The following KMT2C variants were observed in gnomAD, a reference collection of about 807,000 sequenced individuals.
KMT2C encodes histone-lysine N-methyltransferase 2C.
Under a neutral mutation model 507.9 loss-of-function variants are expected in KMT2C, and 88 were observed. The ratio of observed to expected loss-of-function variants is 0.17; its 90% CI spans 0.15 to 0.21. The LOEUF is 0.21. Ranked by LOEUF, KMT2C falls within the 10% of genes least tolerant of loss-of-function variation. The pLI, the probability that KMT2C is intolerant of heterozygous loss-of-function variation, is 1.00. For synonymous variants in KMT2C, 2,049 were observed against 2,080.8 expected (o/e 0.98, Z 0.42); for missense variants, 4,954 against 5,957.8 (o/e 0.83, Z 5.55).
At position 152,181,187 on chromosome 7, in the gene KMT2C, G is replaced by C. The variant is rs1485896944; in HGVS notation, c.6673C>G (p.Pro2225Ala). Residue 2225 changes from proline (P) to alanine (A), a missense_variant, in exon 36 of 59, where the codon CCA becomes GCA. By Grantham distance (27) the Pro-to-Ala change is conservative (BLOSUM62 -1). Around this residue, in one of 29 missense-constraint regions of KMT2C, gnomAD observed 1,689 missense variants for 1,654.3 expected, o/e 1.02. Coordinates refer to ENST00000262189, the MANE Select transcript of KMT2C (RefSeq NM_170606.3). ...AAACCCTCTGAAATCCTTGGCCTTGGTGTTGCTGGTGGCTGAGAGTAAGGG... is the reference window on the plus strand; with the variant it reads ...AAACCCTCTGAAATCCTTGGCCTTGCTGTTGCTGGTGGCTGAGAGTAAGGG... ...SVPYSQPPAT[P>A]RPRISEGFTR... 1.2e-6 allele frequency: 2 copies of C among 1,614,024 alleles called. No homozygotes were observed. Among genetic ancestry groups the C allele is most frequent in the Non-Finnish European group, 1.7e-6 (2 of 1,180,034 alleles).
At chr7:152,231,792 A>AG (rs1439167471) in intron 16 of KMT2C, among the ~76,000 whole-genome samples, 5 of 151,930 alleles carry the variant, frequency 3.3e-5, no homozygotes, top group Non-Finnish European at 7.4e-5. Context: ...AAAAAAAAAA[A>AG]GAAGGAAGGA....
chr7:152,143,921 G>A (rs1190577133), intron 55 of KMT2C, among the ~76,000 whole-genome samples: 1 of 152,250 alleles, frequency 6.6e-6, no homozygotes, highest in Admixed American at 6.5e-5. Flanking sequence ...AGCCAGGCCT[G>A]CAGTGGTACA....
intron 6 of KMT2C, among the ~76,000 whole-genome samples, chr7:152,280,493 G>A (rs2096188203): frequency 7.0e-6 from 1 of 143,850 alleles, no homozygotes; most frequent in East Asian, 2.0e-4. Flanking sequence ...AGAGGTTGCA[G>A]TGAGCCGAGA....
chr7:152,205,221 A>G lies in KMT2C; in HGVS notation c.3846T>C (p.Ile1282=). 6.2e-7 allele frequency: 1 copy of G among 1,610,814 alleles called. No homozygotes were observed. The highest frequency in any genetic ancestry group is 8.5e-7 in the Non-Finnish European group (1 of 1,178,784). The change falls in exon 25 of 59, where the codon ATT becomes ATC. Residue 1282 remains isoleucine (I), a synonymous_variant. Coordinates refer to ENST00000262189, the MANE Select transcript of KMT2C (RefSeq NM_170606.3). ...TTCTTTGCCGCACCATAAATCCACC[A>G]ATACCTATCCAAAAAAGAAATTAGG... ...KRKRKPYRPG[I]GGFMVRQRSR...
At chr7:152,248,709 G>C in intron 13 of KMT2C, 89 bp from the exon 14 acceptor site, 2 of 721,302 alleles carry the variant, frequency 2.8e-6, no homozygotes, top group Non-Finnish European at 2.3e-6. Flanking sequence ...GGCTACACTA[G>C]AACTTAAATC....
rs541173090 is a variant in KMT2C at position 152,166,765 on chromosome 7, G to A, written c.9750+381C>T. ...AAACCCAGTATCTCCCCATGAGCTC[G>A]GTCCTCAGTTAAGTCGAATACTCTC... On this transcript the variant is annotated intron_variant, in intron 42 of 58. Coordinates refer to ENST00000262189, the MANE Select transcript of KMT2C (RefSeq NM_170606.3). 1.4e-3 allele frequency among the ~76,000 whole-genome samples: 215 copies of A among 152,086 alleles called. 1 individual carries two copies. The highest frequency in any genetic ancestry group is 4.6e-3 in the African/African-American group (189 of 41,468).
chr7:152,286,868 A>C (rs1050583691), intron 6 of KMT2C, among the ~76,000 whole-genome samples: 1 of 152,228 alleles, frequency 6.6e-6, no homozygotes, highest in African/African-American at 2.4e-5. Flanking sequence ...GTAAAACTCC[A>C]AGAAAATTCT....
At chr7:152,315,869 A>T (rs1291078593) in intron 3 of KMT2C, among the ~76,000 whole-genome samples, 1 of 152,056 alleles carries the variant, frequency 6.6e-6, no homozygotes. Flanking sequence ...GCTGAGATTG[A>T]ACCACTGCAC....
rs558722121 is a variant in KMT2C, at chr7:152,142,000, C to T, written c.14344-2209G>A. ...TTGTGCCACCGCACTCCAGCCTGGG[C>T]GACACAGTGAGACCCTGTCTCAAAG... On this transcript the variant is annotated intron_variant, in intron 55 of 58. Coordinates refer to ENST00000262189, the MANE Select transcript of KMT2C (RefSeq NM_170606.3). Among the ~76,000 whole-genome samples, 30 of 152,118 alleles carry T rather than the reference C, an allele frequency of 2.0e-4. No homozygotes were observed. The South Asian group carries it at 5.4e-3, about 27-fold the overall frequency.
chr7:152,413,069 GA>G (rs1413653567), intron 1 of KMT2C, among the ~76,000 whole-genome samples: 2 of 151,870 alleles, frequency 1.3e-5, no homozygotes, highest in African/African-American at 4.8e-5. Context: ...CTACACTTCT[GA>G]GAAAAAAAAC....
intron 48 of KMT2C, 33 bp downstream of exon 48, chr7:152,153,976 CT>C: frequency 6.2e-7 from 1 of 1,606,136 alleles, no homozygotes; most frequent in Non-Finnish European, 8.5e-7. Flanking sequence ...TGGGGACATA[CT>C]GTTTAACATT....
At chr7:152,180,645 A>T (rs1168746816) in intron 36 of KMT2C, 66 bp downstream of exon 36, 9 of 1,205,600 alleles carry the variant, frequency 7.5e-6, no homozygotes, top group African/African-American at 1.5e-5. Flanking sequence ...GAAATTACTC[A>T]GTTTGATGAA....
intron 23 of KMT2C, among the ~76,000 whole-genome samples, chr7:152,219,352 T>C (rs1253765652): frequency 6.6e-6 from 1 of 152,196 alleles, no homozygotes; most frequent in African/African-American, 2.4e-5. Flanking sequence ...AGAGTTGGGT[T>C]ACCTAACATT....
chr7:152,355,345 GA>G, intron 2 of KMT2C, among the ~76,000 whole-genome samples: 1 of 152,250 alleles, frequency 6.6e-6, no homozygotes, highest in South Asian at 2.1e-4. Flanking sequence ...CATCTAAGAA[GA>G]GATGTTAAGA....
chr7:152,386,060 C>A (rs998205895), intron 1 of KMT2C, among the ~76,000 whole-genome samples: 5 of 151,158 alleles, frequency 3.3e-5, no homozygotes, highest in African/African-American at 1.2e-4. Flanking sequence ...GCACTCCAGC[C>A]CGAGTGACAG....
At chr7:152,257,283 C>T (rs1196178316) in intron 9 of KMT2C, among the ~76,000 whole-genome samples, 1 of 152,048 alleles carries the variant, frequency 6.6e-6, no homozygotes, top group Non-Finnish European at 1.5e-5. Flanking sequence ...AACATGCTAC[C>T]TTCACTGAAA....
chr7:152,362,948 C>T (rs756324539), intron 1 of KMT2C, among the ~76,000 whole-genome samples: 1 of 152,204 alleles, frequency 6.6e-6, no homozygotes, highest in Non-Finnish European at 1.5e-5. Flanking sequence ...AATGGACCAA[C>T]TTATTGACAT....
At chr7:152,377,066 G>A (rs1355163010) in intron 1 of KMT2C, among the ~76,000 whole-genome samples, 6 of 152,302 alleles carry the variant, frequency 3.9e-5, no homozygotes, top group South Asian at 2.1e-4. Context: ...CTCTTGTTAG[G>A]GGCTAATGCA....
chr7:152,216,877 C>T (rs551158300), intron 23 of KMT2C, among the ~76,000 whole-genome samples: 1 of 152,208 alleles, frequency 6.6e-6, no homozygotes, highest in African/African-American at 2.4e-5. Flanking sequence ...CACTTGTATT[C>T]TAATAGCTCA....
Sources: allele counts gnomAD v4.1 joint callset (sites outside exome capture counted in the v4.1 genomes callset), GRCh38; gene constraint gnomAD v4.1.1; regional missense constraint gnomAD v4.1.1; transcripts MANE v1.5; gene names NCBI Gene and HGNC (gene_info 2026-07-23, HGNC 2026-07-21).